NCOA6: variants seen among roughly 807,000 people sequenced by gnomAD.
The protein encoded by NCOA6 is nuclear receptor coactivator 6.
In NCOA6, 49 loss-of-function variants were observed where a neutral mutation model predicts 171.4. The ratio of observed to expected loss-of-function variants is 0.29; its 90% CI spans 0.23 to 0.36. The LOEUF (loss-of-function observed/expected upper bound fraction) is 0.36. Among genes scored for constraint, NCOA6 ranks in the 10% least tolerant of loss-of-function variants. The pLI is 1.00. For missense variants in NCOA6, 2,248 were observed against 2,554.5 expected, an observed-to-expected ratio of 0.88 and a Z score of 2.59; for synonymous variants, 910 against 927.5, an observed-to-expected ratio of 0.98 and a Z score of 0.34.
At chr20:34,747,432 A>AAGATTTTGCTGCAGAATG (rs1360109369) in intron 9 of NCOA6, among the ~76,000 whole-genome samples, 8 of 152,208 alleles carry the variant, frequency 5.3e-5, no homozygotes, top group African/African-American at 1.9e-4. Flanking sequence ...CACCACCACA[A>AAGATTTTGCTGCAGAATG]AGATTTTGCT....
At chr20:34,802,001 C>T (rs1431673721) in intron 1 of NCOA6, among the ~76,000 whole-genome samples, 2 of 152,186 alleles carry the variant, frequency 1.3e-5, no homozygotes, top group Non-Finnish European at 2.9e-5. Context: ...TCCTACTCGA[C>T]CTATTCCAAA....
rs371373080 is a variant in NCOA6, at chr20:34,782,393, A to G, written c.-38T>C. ...TCCAGAAGCATATGCCAAGAGGACAATAAGAAAACTTCTGAAAAGAGAAGA... is the reference window on the plus strand; with the variant it reads ...TCCAGAAGCATATGCCAAGAGGACAGTAAGAAAACTTCTGAAAAGAGAAGA... On this transcript the variant is annotated 5_prime_UTR_variant, in exon 3 of 15. Transcript: ENST00000359003. 3.8e-6 allele frequency: 5 copies of G among 1,324,166 alleles called. No homozygotes were observed. Among genetic ancestry groups the G allele is most frequent in the Middle Eastern group, 1.9e-4 (1 of 5,284 alleles). The allele number at this position is 1,324,166 out of a possible 1,614,324, so 82.0% of individuals were successfully genotyped here.
rs945015668 is a variant in NCOA6, at chr20:34,758,174, T to C, written c.644-70A>G. On this transcript the variant is annotated intron_variant, in intron 6 of 14. Coordinates refer to ENST00000359003, the MANE Select transcript of NCOA6 (RefSeq NM_014071.5). Reference sequence around the variant, plus strand: ...CTAGATCTTAGAGAAGTGGCCTTTGTAATTCTGGATATACAGAGCAAAATC... The same window carrying C: ...CTAGATCTTAGAGAAGTGGCCTTTGCAATTCTGGATATACAGAGCAAAATC... 8.5e-6 allele frequency: 13 copies of C among 1,526,326 alleles called. No homozygotes were observed. In the African/African-American group the frequency reaches 1.8e-4, roughly 21 times the overall value. The allele number at this position is 1,526,326 out of a possible 1,614,324, so 94.5% of individuals were successfully genotyped here.
At chr20:34,824,422 T>C (rs906225208) in intron 1 of NCOA6, among the ~76,000 whole-genome samples, 43 of 152,246 alleles carry the variant, frequency 2.8e-4, no homozygotes, top group African/African-American at 9.9e-4. Flanking sequence ...CTCAGGCCTT[T>C]GTAGTTTTTA....
intron 2 of NCOA6, among the ~76,000 whole-genome samples, chr20:34,784,687 G>A (rs753492292): frequency 6.6e-6 from 1 of 151,840 alleles, no homozygotes; most frequent in South Asian, 2.1e-4. Context: ...AGGCTGAGGC[G>A]GGAGGATCCC....
chr20:34,793,504 T>C (rs368013355), intron 1 of NCOA6, among the ~76,000 whole-genome samples: 48 of 152,150 alleles, frequency 3.2e-4, no homozygotes, highest in East Asian at 2.7e-3. Flanking sequence ...ATGCCGGTGG[T>C]CCCAGCTATT....
chr20:34,777,109 T>C (rs1241458139), intron 3 of NCOA6, among the ~76,000 whole-genome samples: 1 of 98,762 alleles, frequency 1.0e-5, no homozygotes, highest in African/African-American at 4.3e-5. Flanking sequence ...AAAGTGAGAC[T>C]CCGTCTCAAA....
At chr20:34,724,945 C>T (rs1472205251) in intron 14 of NCOA6, among the ~76,000 whole-genome samples, 8 of 152,020 alleles carry the variant, frequency 5.3e-5, no homozygotes, top group African/African-American at 1.7e-4. Context: ...CCCACCACCA[C>T]ACCCAGCTAA....
At chr20:34,723,680 G>A (rs2146971160) in intron 14 of NCOA6, among the ~76,000 whole-genome samples, 1 of 152,318 alleles carries the variant, frequency 6.6e-6, no homozygotes, top group South Asian at 2.1e-4. Flanking sequence ...TTCAGTTTAA[G>A]TGTACAGGCT....
chr20:34,801,057 T>C (rs1336695271), intron 1 of NCOA6, among the ~76,000 whole-genome samples: 2 of 152,096 alleles, frequency 1.3e-5, no homozygotes, highest in Non-Finnish European at 2.9e-5. Flanking sequence ...AAGTGAAATT[T>C]TGGAAACTAT....
At position 34,750,001 on chromosome 20, in the gene NCOA6, T is replaced by C. The variant is rs2076420548; in HGVS notation, c.2194A>G (p.Asn732Asp). The C allele has an allele frequency of 1.2e-6, 2 of 1,614,238 alleles. No homozygotes were observed. Among genetic ancestry groups the C allele is most frequent in the Non-Finnish European group, 8.5e-7 (1 of 1,180,036 alleles). ...QGNKQQFNTQ[N>D]QSNVMPGPAQ... ...GGTCCCGGCATGACATTGGACTGGT[T>C]CTGAGTGTTAAACTGCTGCTTATTC... Residue 732 changes from asparagine (N) to aspartate (D), a missense_variant, in exon 9 of 15, where the codon AAC becomes GAC. Asn to Asp is a conservative substitution (Grantham distance 23). This residue lies in a region of NCOA6 where 987 missense variants were observed against 1,104.7 expected (regional missense o/e 0.89). Transcript: ENST00000359003.
At chr20:34,759,586 T>A (rs946578236) in intron 5 of NCOA6, among the ~76,000 whole-genome samples, 10 of 152,230 alleles carry the variant, frequency 6.6e-5, no homozygotes, top group African/African-American at 2.4e-4. Flanking sequence ...AAATGGCACC[T>A]TACTATATGC....
intron 2 of NCOA6, among the ~76,000 whole-genome samples, chr20:34,782,780 C>G: frequency 6.6e-6 from 1 of 152,210 alleles, no homozygotes; most frequent in East Asian, 1.9e-4. Flanking sequence ...CCCCCTACTT[C>G]TGTCTTGACA....
chr20:34,722,684 G>GAAAAAAAA (rs112692497), intron 14 of NCOA6, among the ~76,000 whole-genome samples: 90 of 90,520 alleles, frequency 9.9e-4, no homozygotes, highest in African/African-American at 3.4e-3. Context: ...TGTCTCAAAT[G>GAAAAAAAA]AAAAAAAAAA....
rs1212257210 is a variant in NCOA6 at position 34,741,733 on chromosome 20, G to A, written c.4523C>T (p.Pro1508Leu). Residue 1508 changes from proline (P) to leucine (L), a missense_variant, in exon 11 of 15, where the codon CCT becomes CTT. This residue lies in a region of NCOA6 where 884 missense variants were observed against 941.9 expected (regional missense o/e 0.94). Transcript: ENST00000359003. ...SGAPNVTIKP[P>L]GLTDLEVTPP... ...TGTTACTTCCAGATCTGTAAGCCCAGGGGGTTTAATTGTCACATTGGGAGC... is the reference window on the plus strand; with the variant it reads ...TGTTACTTCCAGATCTGTAAGCCCAAGGGGTTTAATTGTCACATTGGGAGC... 2.2e-5 allele frequency: 36 copies of A among 1,614,042 alleles called. No individual in the cohort carries two copies. Among genetic ancestry groups the A allele is most frequent in the African/African-American group, 6.7e-5 (5 of 74,930 alleles).
chr20:34,758,334 A>C (rs1412328417), intron 6 of NCOA6, among the ~76,000 whole-genome samples: 1 of 152,250 alleles, frequency 6.6e-6, no homozygotes, highest in African/African-American at 2.4e-5. Context: ...AAACATGGAG[A>C]CCAGTATTTA....
intron 4 of NCOA6, among the ~76,000 whole-genome samples, chr20:34,773,935 C>T (rs1208633509): frequency 1.3e-5 from 2 of 152,222 alleles, no homozygotes; most frequent in Non-Finnish European, 2.9e-5. Context: ...CAGAGATCAT[C>T]TGGGACACAC....
chr20:34,764,305 T>C (rs1045924832), intron 5 of NCOA6, among the ~76,000 whole-genome samples: 2 of 152,136 alleles, frequency 1.3e-5, no homozygotes, highest in East Asian at 3.9e-4. Context: ...GCCAGGATGG[T>C]CTCCATCTCC....
chr20:34,762,593 T>C (rs895814702), intron 5 of NCOA6, among the ~76,000 whole-genome samples: 10 of 152,198 alleles, frequency 6.6e-5, no homozygotes, highest in Non-Finnish European at 1.3e-4. Flanking sequence ...CCATTCATAT[T>C]ATTTTACTGG....
Sources: gnomAD v4.1 joint callset for allele counts (sites outside exome capture counted in the v4.1 genomes callset) on GRCh38, gnomAD v4.1.1 for gene constraint, gnomAD v4.1.1 regional missense constraint, MANE v1.5 for transcripts, NCBI Gene and HGNC (gene_info 2026-07-23, HGNC 2026-07-21) for gene names.